NTNG1: variants seen among roughly 807,000 people sequenced by gnomAD.
NTNG1 encodes the protein netrin G1, also known as netrin-G1.
Under a neutral mutation model 54.0 loss-of-function variants are expected in NTNG1, and 16 were observed. The observed-to-expected ratio is 0.30, with a 90% CI of 0.20 to 0.45. The LOEUF (loss-of-function observed/expected upper bound fraction) is 0.45. NTNG1 is among the 20% of genes least tolerant of loss of function. NTNG1 has a pLI of 1.00. For missense variants in NTNG1, 530 were observed against 678.7 expected, an observed-to-expected ratio of 0.78 and a Z score of 2.43; for synonymous variants, 255 against 263.1, an observed-to-expected ratio of 0.97 and a Z score of 0.30.
At chr1:107,241,593 A>G (rs1203327514) in intron 2 of NTNG1, among the ~76,000 whole-genome samples, 1 of 152,186 alleles carries the variant, frequency 6.6e-6, no homozygotes, top group African/African-American at 2.4e-5. Context: ...TACAACCAGA[A>G]CAACTCAAAC....
At chr1:107,363,694 C>T (rs183204039) in intron 3 of NTNG1, among the ~76,000 whole-genome samples, 23 of 152,256 alleles carry the variant, frequency 1.5e-4, no homozygotes, top group Admixed American at 7.9e-4. Flanking sequence ...CTCCTTCAGA[C>T]GTTAGCTCAA....
At chr1:107,240,128 T>A (rs1438397374) in intron 2 of NTNG1, among the ~76,000 whole-genome samples, 1 of 152,186 alleles carries the variant, frequency 6.6e-6, no homozygotes, top group African/African-American at 2.4e-5. Context: ...GCAATTAATG[T>A]CTTTCAGAAA....
chr1:107,465,797 T>C (rs1041070402), intron 7 of NTNG1, among the ~76,000 whole-genome samples: 2 of 150,286 alleles, frequency 1.3e-5, no homozygotes, highest in Non-Finnish European at 2.9e-5. Flanking sequence ...GGAGGACTTA[T>C]GTAAGATCCA....
intron 7 of NTNG1, among the ~76,000 whole-genome samples, chr1:107,478,893 G>A (rs1678512093): frequency 6.6e-6 from 1 of 152,218 alleles, no homozygotes; most frequent in Non-Finnish European, 1.5e-5. Context: ...CCCTACATGT[G>A]GACTTTGCTT....
At chr1:107,203,354 T>C (rs770315684) in intron 2 of NTNG1, among the ~76,000 whole-genome samples, 1 of 151,830 alleles carries the variant, frequency 6.6e-6, no homozygotes, top group African/African-American at 2.4e-5. Flanking sequence ...CAAATGATAG[T>C]ATACCTTGAG....
intron 7 of NTNG1, among the ~76,000 whole-genome samples, chr1:107,463,424 T>C (rs527315053): frequency 6.6e-6 from 1 of 152,300 alleles, no homozygotes; most frequent in South Asian, 2.1e-4. Context: ...AATCCATTTA[T>C]CCTGAGATTT....
At chr1:107,350,814 A>G (rs555269592) in intron 3 of NTNG1, among the ~76,000 whole-genome samples, 16 of 152,334 alleles carry the variant, frequency 1.1e-4, no homozygotes, top group South Asian at 1.0e-3. Flanking sequence ...AGCAGAGAGT[A>G]GAATGATGGT....
At chr1:107,345,595 A>G (rs1243329211) in intron 3 of NTNG1, among the ~76,000 whole-genome samples, 1 of 152,108 alleles carries the variant, frequency 6.6e-6, no homozygotes, top group East Asian at 1.9e-4. Context: ...TCAGTCCAGC[A>G]CCATTGTTCT....
chr1:107,451,331 A>G (rs1455270318), intron 7 of NTNG1, among the ~76,000 whole-genome samples: 2 of 152,108 alleles, frequency 1.3e-5, no homozygotes, highest in African/African-American at 4.8e-5. Flanking sequence ...CACATGTCAC[A>G]CTGCCCTTGA....
intron 1 of NTNG1, among the ~76,000 whole-genome samples, chr1:107,147,579 C>T (rs917568824): frequency 2.6e-5 from 4 of 151,888 alleles, no homozygotes; most frequent in African/African-American, 4.8e-5. Context: ...GCCAACAATG[C>T]GGATTTTCAC....
intron 2 of NTNG1, among the ~76,000 whole-genome samples, chr1:107,261,909 A>G (rs1663372878): frequency 6.6e-6 from 1 of 152,226 alleles, no homozygotes; most frequent in Non-Finnish European, 1.5e-5. Context: ...TGAATTCCAC[A>G]TTCTCATATG....
chr1:107,469,537 C>T (rs1401919656), intron 7 of NTNG1, among the ~76,000 whole-genome samples: 1 of 152,126 alleles, frequency 6.6e-6, no homozygotes, highest in Non-Finnish European at 1.5e-5. Flanking sequence ...GGCTGGAGTG[C>T]AGTGGCACAA....
intron 2 of NTNG1, among the ~76,000 whole-genome samples, chr1:107,312,904 G>A (rs1047495508): frequency 6.6e-5 from 10 of 151,148 alleles, no homozygotes; most frequent in Admixed American, 6.6e-4. Context: ...TTTTTCCTGA[G>A]CCATTTGACT....
chr1:107,432,671 C>T (rs1210472879), intron 6 of NTNG1, among the ~76,000 whole-genome samples: 2 of 151,934 alleles, frequency 1.3e-5, no homozygotes, highest in African/African-American at 4.8e-5. Flanking sequence ...ACCAGAAAAA[C>T]TAAAATAAAT....
chr1:107,178,078 C>T (rs1656781730), intron 2 of NTNG1, among the ~76,000 whole-genome samples: 1 of 152,134 alleles, frequency 6.6e-6, no homozygotes, highest in Admixed American at 6.5e-5. Context: ...TTTTATTCTG[C>T]CTTGCAAATG....
At chr1:107,456,525 G>A (rs1334852314) in intron 7 of NTNG1, among the ~76,000 whole-genome samples, 1 of 152,124 alleles carries the variant, frequency 6.6e-6, no homozygotes, top group Non-Finnish European at 1.5e-5. Context: ...GCCTCTCTCA[G>A]AGCTCCCACC....
At chr1:107,401,377 A>G (rs1673027039) in intron 4 of NTNG1, among the ~76,000 whole-genome samples, 1 of 152,140 alleles carries the variant, frequency 6.6e-6, no homozygotes, top group Non-Finnish European at 1.5e-5. Context: ...TTCAGGTACA[A>G]CCACTGATCT....
intron 2 of NTNG1, among the ~76,000 whole-genome samples, chr1:107,239,519 G>C (rs1483557543): frequency 6.6e-6 from 1 of 152,190 alleles, no homozygotes; most frequent in Admixed American, 6.5e-5. Context: ...GTTTTCTGGA[G>C]GATTGCTGTC....
intron 7 of NTNG1, among the ~76,000 whole-genome samples, chr1:107,444,914 C>T (rs775294917): frequency 6.6e-6 from 1 of 151,996 alleles, no homozygotes; most frequent in African/African-American, 2.4e-5. Flanking sequence ...CACCTTGGGC[C>T]ATTCTTTACA....
Sources: gnomAD v4.1 joint callset for allele counts (sites outside exome capture counted in the v4.1 genomes callset) on GRCh38, gnomAD v4.1.1 for gene constraint, MANE v1.5 for transcripts, NCBI Gene and HGNC (gene_info 2026-07-23, HGNC 2026-07-21) for gene names.